Variants in CHODL observed in about 807,000 individuals in gnomAD.
CHODL encodes transmembrane protein MT75.
Under a neutral mutation model 34.5 loss-of-function variants are expected in CHODL, and 29 were observed. The ratio of observed to expected loss-of-function variants is 0.84; its 90% CI spans 0.63 to 1.15. CHODL has a LOEUF of 1.15. Among genes scored for constraint, CHODL ranks in the 50% most tolerant of loss-of-function variants. The pLI is 0.00. For synonymous variants in CHODL, 125 were observed against 116.1 expected (o/e 1.08, Z -0.49); for missense variants, 332 against 332.5 (o/e 1.00, Z 0.01).
At chr21:18,225,116 C>T (rs572829816) in intron 2 of CHODL, among the ~76,000 whole-genome samples, 1 of 152,078 alleles carries the variant, frequency 6.6e-6, no homozygotes, top group South Asian at 2.1e-4. Flanking sequence ...GTAGTGCTGA[C>T]TTTTCTTCTA....
intron 2 of CHODL, among the ~76,000 whole-genome samples, chr21:18,236,119 G>T (rs980435134): frequency 6.6e-6 from 1 of 152,082 alleles, no homozygotes; most frequent in Non-Finnish European, 1.5e-5. Flanking sequence ...GTTCCACGTG[G>T]CTGGGAAGGC....
intron 1 of CHODL, among the ~76,000 whole-genome samples, chr21:18,017,488 C>T (rs1047970894): frequency 1.3e-5 from 2 of 152,226 alleles, no homozygotes; most frequent in African/African-American, 4.8e-5. Context: ...AGAGACATCT[C>T]AGGCTGACGC....
At position 18,171,198 on chromosome 21, in the gene CHODL, G is replaced by GTTCTTTTTTTTTTTTTTTTTTTTTTTT. The variant is rs1333481522; in HGVS notation, c.-44-85309_-44-85308insCTTTTTTTTTTTTTTTTTTTTTTTTTT. Among the ~76,000 whole-genome samples the GTTCTTTTTTTTTTTTTTTTTTTTTTTT allele has an allele frequency of 4.3e-4, 16 of 37,066 alleles. 8 individuals carry two copies. The highest frequency in any genetic ancestry group is 1.7e-3 in the African/African-American group (12 of 6,942). The allele number at this position is 37,066 out of a possible 152,430, so 24.3% of individuals were successfully genotyped here. ...TGTTCTTCAGACATGGTTTTCTTTA[G>GTTCTTTTTTTTTTTTTTTTTTTTTTTT]TTTTTTTTTTTTTTTTTTTGAGACG... On this transcript the variant is annotated intron_variant, in intron 2 of 6. Coordinates refer to the CHODL transcript ENST00000400127.
chr21:18,248,604 T>C (rs925380341), intron 1 of CHODL, among the ~76,000 whole-genome samples: 9 of 132,974 alleles, frequency 6.8e-5, no homozygotes, highest in African/African-American at 2.1e-4. Context: ...ATATAAAATA[T>C]ATGTATAATA....
At chr21:18,028,787 C>T (rs2064214682) in intron 2 of CHODL, among the ~76,000 whole-genome samples, 1 of 151,012 alleles carries the variant, frequency 6.6e-6, no homozygotes, top group African/African-American at 2.4e-5. Context: ...AATATACATC[C>T]AGCAAATATT....
intron 1 of CHODL, among the ~76,000 whole-genome samples, chr21:17,943,793 G>T (rs112990101): frequency 1.3e-5 from 2 of 152,176 alleles, no homozygotes; most frequent in African/African-American, 4.8e-5. Context: ...CTACAATGGG[G>T]AAAGAGGACT....
intron 2 of CHODL, among the ~76,000 whole-genome samples, chr21:18,160,220 G>A (rs1482273291): frequency 6.6e-6 from 1 of 152,154 alleles, no homozygotes; most frequent in Admixed American, 6.5e-5. Context: ...TACATAACTG[G>A]TAAGTTAAGG....
At chr21:18,246,122 A>G (rs1323360006) in intron 1 of CHODL, among the ~76,000 whole-genome samples, 1 of 151,984 alleles carries the variant, frequency 6.6e-6, no homozygotes, top group Non-Finnish European at 1.5e-5. Context: ...ACTTTTTGGG[A>G]CGGTCTCTTC....
chr21:18,195,027 C>CTTT (rs56764991), intron 2 of CHODL, among the ~76,000 whole-genome samples: 1,799 of 135,702 alleles, frequency 0.013, 34 homozygotes, highest in South Asian at 0.066. Context: ...TAATACAATA[C>CTTT]ATTATTTATT....
At chr21:17,962,158 C>G (rs1437457333) in intron 1 of CHODL, among the ~76,000 whole-genome samples, 1 of 152,136 alleles carries the variant, frequency 6.6e-6, no homozygotes, top group Non-Finnish European at 1.5e-5. Flanking sequence ...GGAATACTTG[C>G]ATTTCTTTAT....
intron 1 of CHODL, among the ~76,000 whole-genome samples, chr21:18,027,297 T>TA (rs367946587): frequency 1.5e-4 from 23 of 151,914 alleles, no homozygotes; most frequent in Admixed American, 2.6e-4. Context: ...TAACAATAAA[T>TA]AAAAAAAACT....
intron 2 of CHODL, among the ~76,000 whole-genome samples, chr21:18,218,619 C>G (rs2073853776): frequency 6.6e-6 from 1 of 152,200 alleles, no homozygotes; most frequent in Non-Finnish European, 1.5e-5. Context: ...CTGCAGTCAG[C>G]TTGAATTTCT....
chr21:17,981,007 T>C (rs1242215419), intron 1 of CHODL, among the ~76,000 whole-genome samples: 1 of 152,090 alleles, frequency 6.6e-6, no homozygotes, highest in Non-Finnish European at 1.5e-5. Flanking sequence ...ATGCCAAGGA[T>C]TGGAGATAAT....
chr21:18,160,618 A>C (rs1330789096), intron 2 of CHODL, among the ~76,000 whole-genome samples: 1 of 152,196 alleles, frequency 6.6e-6, no homozygotes, highest in Admixed American at 6.5e-5. Flanking sequence ...TAGTTTGCTA[A>C]GGATAATGGC....
At chr21:18,215,518 G>A (rs2073817900) in intron 2 of CHODL, among the ~76,000 whole-genome samples, 1 of 151,914 alleles carries the variant, frequency 6.6e-6, no homozygotes, top group Non-Finnish European at 1.5e-5. Flanking sequence ...TGACTCCCAG[G>A]TATGTTGGGC....
chr21:18,005,818 C>T (rs1201842194), intron 1 of CHODL, among the ~76,000 whole-genome samples: 1 of 152,104 alleles, frequency 6.6e-6, no homozygotes, highest in Non-Finnish European at 1.5e-5. Context: ...ACAGCACACA[C>T]TGGGGCCTGT....
At chr21:17,957,322 G>T (rs916447244) in intron 1 of CHODL, among the ~76,000 whole-genome samples, 2 of 152,104 alleles carry the variant, frequency 1.3e-5, no homozygotes. Context: ...ATGAACATTG[G>T]ATTATATAAC....
intron 1 of CHODL, among the ~76,000 whole-genome samples, chr21:17,922,749 C>T (rs2063192393): frequency 6.6e-6 from 1 of 152,118 alleles, no homozygotes. Flanking sequence ...TGAGATGTAG[C>T]TCCTAAAGGT....
At chr21:18,155,476 A>G (rs2073023635) in intron 2 of CHODL, among the ~76,000 whole-genome samples, 1 of 152,234 alleles carries the variant, frequency 6.6e-6, no homozygotes, top group South Asian at 2.1e-4. Context: ...AATATGAGCT[A>G]GGAAAGAAGA....
Sources: gnomAD v4.1 joint callset for allele counts (sites outside exome capture counted in the v4.1 genomes callset) on GRCh38, gnomAD v4.1.1 for gene constraint, MANE v1.5 for transcripts, NCBI Gene and HGNC (gene_info 2026-07-23, HGNC 2026-07-21) for gene names.